Variants in DPF3 observed in about 807,000 individuals in gnomAD.
DPF3 encodes double PHD fingers 3.
DPF3 carries 18 observed loss-of-function variants against 56.8 expected under a neutral mutation model. The ratio of observed to expected loss-of-function variants is 0.32; its 90% CI spans 0.22 to 0.47. The LOEUF is 0.47. Among genes scored for constraint, DPF3 ranks in the 20% least tolerant of loss-of-function variants. The pLI, the probability that DPF3 is intolerant of heterozygous loss-of-function variation, is 1.00. For missense variants in DPF3, 403 were observed against 488.8 expected (o/e 0.82, Z 1.65); for synonymous variants, 188 against 180.2 (o/e 1.04, Z -0.35).
At chr14:72,831,361 A>G (rs35421263) in intron 1 of DPF3, among the ~76,000 whole-genome samples, 27,930 of 152,016 alleles carry the variant, frequency 0.18, 3,060 homozygotes, top group East Asian at 0.41. Context: ...GGAAAAAAAA[A>G]ACAAAAAACA....
At chr14:72,817,502 AAATAAT>A (rs1196412071) in intron 1 of DPF3, among the ~76,000 whole-genome samples, 1 of 152,134 alleles carries the variant, frequency 6.6e-6, no homozygotes, top group African/African-American at 2.4e-5. Flanking sequence ...CTCAACTAAA[AAATAAT>A]AATAATAATA....
At chr14:72,854,666 T>G (rs1885110668) in intron 1 of DPF3, among the ~76,000 whole-genome samples, 1 of 152,336 alleles carries the variant, frequency 6.6e-6, no homozygotes, top group South Asian at 2.1e-4. Flanking sequence ...GGCTTGGAAT[T>G]CGAAAGGAGT....
At chr14:72,784,683 G>A (rs1051009252) in intron 1 of DPF3, among the ~76,000 whole-genome samples, 2 of 152,200 alleles carry the variant, frequency 1.3e-5, no homozygotes, top group Admixed American at 6.5e-5. Flanking sequence ...AATGGGCCAG[G>A]CACAGGGGCT....
chr14:72,821,875 G>A (rs1042811227), intron 1 of DPF3, among the ~76,000 whole-genome samples: 7 of 151,988 alleles, frequency 4.6e-5, no homozygotes, highest in Non-Finnish European at 8.8e-5. Flanking sequence ...AGGCACTGTC[G>A]TGTGTACCTG....
In DPF3 at chr14:72,619,135, G is replaced by A. The variant is rs1884261982; in HGVS notation, c.*162C>T. ...CCGTACATATCGGGGGAGGTCAGGA[G>A]ATGCCTCACCCTCTTCGTTCCATGT... On this transcript the variant is annotated 3_prime_UTR_variant, in exon 11 of 11. Coordinates refer to ENST00000556509, the MANE Select transcript of DPF3 (RefSeq NM_001280542.3). Among the ~76,000 whole-genome samples, 1 of 152,220 alleles carries A rather than the reference G, an allele frequency of 6.6e-6. No individual in the cohort carries two copies. The highest frequency in any genetic ancestry group is 1.5e-5 in the Non-Finnish European group (1 of 68,022).
chr14:72,690,456 G>A (rs61222681), intron 7 of DPF3, among the ~76,000 whole-genome samples: 9 of 151,946 alleles, frequency 5.9e-5, no homozygotes, highest in South Asian at 4.2e-4. Context: ...GTGCACACAC[G>A]CATGCACACA....
chr14:72,671,889 C>T (rs1028044384), intron 8 of DPF3, among the ~76,000 whole-genome samples: 12 of 152,316 alleles, frequency 7.9e-5, no homozygotes, highest in Middle Eastern at 3.4e-3. Context: ...TCTCCCCTTA[C>T]GCCATGTCGT....
intron 1 of DPF3, among the ~76,000 whole-genome samples, chr14:72,843,350 T>TA (rs750673899): frequency 7.3e-5 from 11 of 151,550 alleles, no homozygotes; most frequent in African/African-American, 1.7e-4. Context: ...TTGCTTCCCT[T>TA]AAAAAAAAAC....
chr14:72,782,226 GA>G (rs769977849), intron 1 of DPF3, among the ~76,000 whole-genome samples: 1 of 42,890 alleles, frequency 2.3e-5, no homozygotes, highest in Admixed American at 3.5e-4. Flanking sequence ...CAGCCCAAGT[GA>G]TTTTTTTTTT....
chr14:72,690,272 C>T lies in DPF3; in HGVS notation c.742+2804G>A, dbSNP rs117791161. On this transcript the variant is annotated intron_variant, in intron 7 of 10. Coordinates refer to ENST00000556509, the MANE Select transcript of DPF3 (RefSeq NM_001280542.3). The stretch of plus-strand genomic sequence containing the variant: ...AGAACACTAGAAGGCCAAACACACC[C>T]GCCCACGAGGGCTCGTGAGAAGATC... 2.9e-3 allele frequency among the ~76,000 whole-genome samples: 439 copies of T among 151,968 alleles called. 9 individuals carry two copies. The East Asian group carries it at 0.043, about 15-fold the overall frequency.
At chr14:72,836,515 C>T in intron 1 of DPF3, 2 of 985,386 alleles carry the variant, frequency 2.0e-6, no homozygotes, top group Non-Finnish European at 2.4e-6. Context: ...CTGACCACCT[C>T]GTGGGGAGAT....
At chr14:72,690,447 T>G (rs957810161) in intron 7 of DPF3, among the ~76,000 whole-genome samples, 3 of 151,998 alleles carry the variant, frequency 2.0e-5, no homozygotes, top group African/African-American at 7.2e-5. Context: ...TATGCACATG[T>G]GCACACACGC....
At chr14:72,748,394 G>C (rs1304777923) in intron 3 of DPF3, among the ~76,000 whole-genome samples, 1 of 152,162 alleles carries the variant, frequency 6.6e-6, no homozygotes, top group Non-Finnish European at 1.5e-5. Flanking sequence ...GAAGTGACTT[G>C]GGTGCTGTTA....
intron 1 of DPF3, among the ~76,000 whole-genome samples, chr14:72,828,559 A>C (rs1883919600): frequency 6.8e-6 from 1 of 148,036 alleles, no homozygotes; most frequent in Admixed American, 7.0e-5. Context: ...AAAACTTAAT[A>C]TGATTTTACC....
intron 2 of DPF3, among the ~76,000 whole-genome samples, chr14:72,764,750 C>T (rs550228233): frequency 2.3e-4 from 35 of 152,218 alleles, no homozygotes; most frequent in Non-Finnish European, 4.0e-4. Flanking sequence ...CTCAGCCTCC[C>T]AAAGTGCTGG....
chr14:72,692,578 T>C (rs142789497), intron 7 of DPF3, among the ~76,000 whole-genome samples: 3 of 152,310 alleles, frequency 2.0e-5, no homozygotes, highest in Non-Finnish European at 4.4e-5. Flanking sequence ...CCAGGCAGCA[T>C]TTCTAAGGCA....
chr14:72,874,438 C>T (rs1260501376), intron 1 of DPF3, among the ~76,000 whole-genome samples: 1 of 151,320 alleles, frequency 6.6e-6, no homozygotes, highest in Non-Finnish European at 1.5e-5. Context: ...AAGATCCTGA[C>T]ACTGCACTCC....
intron 6 of DPF3, among the ~76,000 whole-genome samples, chr14:72,714,163 T>C (rs1476821644): frequency 2.0e-5 from 3 of 152,120 alleles, no homozygotes; most frequent in Admixed American, 1.3e-4. Flanking sequence ...ACAGGAGGCA[T>C]GGCAGGAGGT....
intron 1 of DPF3, among the ~76,000 whole-genome samples, chr14:72,823,664 TC>T (rs1883657123): frequency 6.6e-6 from 1 of 152,158 alleles, no homozygotes; most frequent in Non-Finnish European, 1.5e-5. Flanking sequence ...TTCCTCCCAC[TC>T]CCTGGAATGT....
Sources: allele counts gnomAD v4.1 joint callset (sites outside exome capture counted in the v4.1 genomes callset), GRCh38; gene constraint gnomAD v4.1.1; transcripts MANE v1.5; gene names NCBI Gene and HGNC (gene_info 2026-07-23, HGNC 2026-07-21).